Variants in TBCK observed in about 807,000 individuals in gnomAD.
TBCK encodes TBC domain-containing protein kinase-like protein.
TBCK carries 99 observed loss-of-function variants against 113.4 expected under a neutral mutation model. The ratio of observed to expected loss-of-function variants is 0.87; its 90% confidence interval spans 0.74 to 1.03. TBCK has a LOEUF of 1.03. TBCK is among the 50% of genes least tolerant of loss of function. TBCK has a pLI of 0.00. For missense variants in TBCK, 1,045 were observed against 1,061.3 expected, an observed-to-expected ratio of 0.98 and a Z score of 0.21; for synonymous variants, 369 against 370.8, an observed-to-expected ratio of 1.00 and a Z score of 0.05.
At chr4:106,165,481 G>A (rs1254131076) in intron 23 of TBCK, among the ~76,000 whole-genome samples, 1 of 151,708 alleles carries the variant, frequency 6.6e-6, no homozygotes, top group Non-Finnish European at 1.5e-5. Context: ...TCTCCACACT[G>A]TTTTTATAGT....
At chr4:106,305,995 G>A (rs574535388) in intron 2 of TBCK, among the ~76,000 whole-genome samples, 69 of 152,286 alleles carry the variant, frequency 4.5e-4, no homozygotes, top group African/African-American at 1.6e-3. Context: ...TGGCTATGGA[G>A]TAGCCTTTCT....
At chr4:106,283,885 G>C (rs950702714) in intron 3 of TBCK, among the ~76,000 whole-genome samples, 7 of 152,146 alleles carry the variant, frequency 4.6e-5, no homozygotes, top group African/African-American at 1.4e-4. Flanking sequence ...AGACCAGTTA[G>C]AACGTTACAA....
At position 106,099,465 on chromosome 4, in the gene TBCK, A is replaced by G. The variant is rs185162932; in HGVS notation, c.2412-3824T>C. Among the ~76,000 whole-genome samples, 435 of 152,286 alleles carry G rather than the reference A, an allele frequency of 2.9e-3. 4 individuals carry two copies. The highest frequency in any genetic ancestry group is 4.6e-3 in the South Asian group (22 of 4,832). ...ATTATAGACCTTTCAGCCCAAACTG[A>G]AAGTTTTACCTTTAGTATATCAACA... On this transcript the variant is annotated intron_variant, in intron 24 of 25. Coordinates refer to ENST00000394708, the MANE Select transcript of TBCK (RefSeq NM_001163435.3).
At chr4:106,228,212 G>C (rs1338134171) in intron 19 of TBCK, among the ~76,000 whole-genome samples, 2 of 151,908 alleles carry the variant, frequency 1.3e-5, no homozygotes, top group African/African-American at 2.4e-5. Context: ...ATCACCTCAA[G>C]TATTTTTCTT....
intron 23 of TBCK, among the ~76,000 whole-genome samples, chr4:106,151,330 A>G (rs1748459945): frequency 6.6e-6 from 1 of 151,910 alleles, no homozygotes; most frequent in Non-Finnish European, 1.5e-5. Context: ...CCAATTAACC[A>G]TTCCCAATTC....
At chr4:106,298,106 T>C (rs1318835709) in intron 2 of TBCK, among the ~76,000 whole-genome samples, 1 of 152,210 alleles carries the variant, frequency 6.6e-6, no homozygotes, top group Admixed American at 6.5e-5. Context: ...TAATTTTGTT[T>C]TGTAGCACTT....
At chr4:106,218,323 T>C (rs1052152569) in intron 19 of TBCK, among the ~76,000 whole-genome samples, 12 of 150,706 alleles carry the variant, frequency 8.0e-5, no homozygotes, top group African/African-American at 2.9e-4. Context: ...GGACTTCATG[T>C]CTAAAACACC....
intron 25 of TBCK, among the ~76,000 whole-genome samples, chr4:106,094,721 G>C (rs1353291662): frequency 6.6e-6 from 1 of 152,088 alleles, no homozygotes; most frequent in Non-Finnish European, 1.5e-5. Context: ...TGGTAAATTT[G>C]GGAAGGCTCA....
chr4:106,241,776 T>C (rs1400204308), intron 12 of TBCK, among the ~76,000 whole-genome samples: 1 of 151,944 alleles, frequency 6.6e-6, no homozygotes, highest in Non-Finnish European at 1.5e-5. Context: ...TTAAATCTTT[T>C]ATAAGGAAAT....
At chr4:106,241,531 C>T (rs1408531512) in intron 12 of TBCK, among the ~76,000 whole-genome samples, 2 of 151,816 alleles carry the variant, frequency 1.3e-5, no homozygotes, top group Non-Finnish European at 2.9e-5. Flanking sequence ...GTGGTATTTG[C>T]TAAAATTAGA....
intron 25 of TBCK, among the ~76,000 whole-genome samples, chr4:106,052,548 GA>G (rs1734927489): frequency 6.6e-6 from 1 of 151,376 alleles, no homozygotes; most frequent in South Asian, 2.1e-4. Flanking sequence ...AATTTTTTTG[GA>G]ACCAATCTTT....
chr4:106,282,512 T>A (rs1042579608), intron 3 of TBCK, among the ~76,000 whole-genome samples: 66 of 152,256 alleles, frequency 4.3e-4, no homozygotes, highest in African/African-American at 1.5e-3. Flanking sequence ...TGATTTTTTT[T>A]AACTTTATTG....
intron 23 of TBCK, among the ~76,000 whole-genome samples, chr4:106,160,658 A>G (rs1463570696): frequency 6.6e-6 from 1 of 152,088 alleles, no homozygotes; most frequent in African/African-American, 2.4e-5. Flanking sequence ...ACCCTTGCAC[A>G]CTGTTGGTAA....
chr4:106,310,372 A>T (rs1768064758), intron 1 of TBCK: 1 of 152,248 alleles, frequency 6.6e-6, no homozygotes, highest in African/African-American at 2.4e-5. Context: ...CTTCAGATTC[A>T]GAGGCTTCAG....
chr4:106,145,581 T>C (rs1020437216), intron 23 of TBCK, among the ~76,000 whole-genome samples: 12 of 152,182 alleles, frequency 7.9e-5, no homozygotes, highest in African/African-American at 2.2e-4. Flanking sequence ...CCAGTACATA[T>C]AGAAGTTGTT....
intron 9 of TBCK, chr4:106,247,987 T>G: frequency 3.5e-6 from 1 of 285,592 alleles, no homozygotes; most frequent in Non-Finnish European, 6.5e-6. Context: ...TTAGTTAATA[T>G]TCTATTTAAA....
At chr4:106,296,522 G>A (rs1213705505) in intron 2 of TBCK, among the ~76,000 whole-genome samples, 2 of 152,070 alleles carry the variant, frequency 1.3e-5, no homozygotes, top group Non-Finnish European at 2.9e-5. Flanking sequence ...GTAATGATTG[G>A]ATTAAGGCAT....
At chr4:106,066,614 C>G (rs539884509) in intron 25 of TBCK, among the ~76,000 whole-genome samples, 18 of 152,080 alleles carry the variant, frequency 1.2e-4, no homozygotes, top group Non-Finnish European at 2.1e-4. Flanking sequence ...ACAACCATCA[C>G]CACTAGTTAT....
intron 8 of TBCK, 126 bp downstream of exon 8, chr4:106,248,795 C>T (rs1245826273): frequency 1.5e-6 from 1 of 683,580 alleles, no homozygotes; most frequent in Non-Finnish European, 2.4e-6. Flanking sequence ...CGTACTGGTG[C>T]CTTTAACTTG....
Sources: gnomAD v4.1 joint callset for allele counts (sites outside exome capture counted in the v4.1 genomes callset) on GRCh38, gnomAD v4.1.1 for gene constraint, MANE v1.5 for transcripts, NCBI Gene and HGNC (gene_info 2026-07-23, HGNC 2026-07-21) for gene names.